The following UBE2L3 variants were observed in gnomAD, a reference collection of about 807,000 sequenced individuals.
The protein encoded by UBE2L3 is ubiquitin-conjugating enzyme E2 L3.
In UBE2L3, 1 loss-of-function variant was observed where a neutral mutation model predicts 17.8. The observed-to-expected ratio is 0.06, with a 90% confidence interval of 0.02 to 0.27. The LOEUF (loss-of-function observed/expected upper bound fraction) is 0.27. Among genes scored for constraint, UBE2L3 ranks in the 10% least tolerant of loss-of-function variants. The probability of loss-of-function intolerance (pLI) is 1.00; values close to 1 mark genes in which losing one functional copy is unlikely to be tolerated. For missense variants in UBE2L3, 40 were observed against 192.6 expected (o/e 0.21, Z 4.69); for synonymous variants, 44 against 68.5 (o/e 0.64, Z 1.76).
In UBE2L3 at chr22:21,599,401, A is replaced by G. The variant is rs548616487; in HGVS notation, c.123+6445A>G. ...CACACTGGAGTTGTTTTGGGGAGAA[A>G]GAGTATCCCCCTACATTGATGGGGC... On this transcript the variant is annotated intron_variant, in intron 2 of 3. Transcript: ENST00000342192. 3.9e-5 allele frequency among the ~76,000 whole-genome samples: 6 copies of G among 152,186 alleles called. No individual in the cohort carries two copies. In the South Asian group the frequency reaches 8.3e-4, roughly 21 times the overall value.
chr22:21,592,475 G>A (rs1180593025), intron 1 of UBE2L3, among the ~76,000 whole-genome samples: 1 of 152,206 alleles, frequency 6.6e-6, no homozygotes, highest in Non-Finnish European at 1.5e-5. Flanking sequence ...TGATTGGAAG[G>A]TATCAGGTGT....
At chr22:21,578,866 T>A (rs1197573262) in intron 1 of UBE2L3, among the ~76,000 whole-genome samples, 1 of 152,136 alleles carries the variant, frequency 6.6e-6, no homozygotes, top group Non-Finnish European at 1.5e-5. Flanking sequence ...GATTTCTGCC[T>A]TTGACTCCTT....
At chr22:21,570,217 C>A in intron 1 of UBE2L3, among the ~76,000 whole-genome samples, 2 of 152,248 alleles carry the variant, frequency 1.3e-5, no homozygotes, top group Middle Eastern at 6.8e-3. Context: ...ATCCTGGTAG[C>A]CCCCTAGCCT....
Position 21,576,602 on chromosome 22 carries a change from A to G in UBE2L3, c.27+8831A>G, listed in dbSNP as rs570070986. 1.2e-3 allele frequency among the ~76,000 whole-genome samples: 175 copies of G among 145,270 alleles called. 1 individual carries two copies. The highest frequency in any genetic ancestry group is 3.4e-3 in the African/African-American group (135 of 39,410). ...CGTGAGCCACCATGCCCGGCCCCCA[A>G]TTTTTGTATTTTTAGTAGAGCTGGG... On this transcript the variant is annotated intron_variant, in intron 1 of 3. Transcript: ENST00000342192.
At chr22:21,556,443 T>A (rs1469100289) in intron 1 of UBE2L3, among the ~76,000 whole-genome samples, 1 of 152,236 alleles carries the variant, frequency 6.6e-6, no homozygotes, top group Non-Finnish European at 1.5e-5. Flanking sequence ...ATCATTTATT[T>A]TTTGGAGACA....
intron 1 of UBE2L3, among the ~76,000 whole-genome samples, chr22:21,591,625 C>T (rs1423571831): frequency 6.6e-6 from 1 of 152,200 alleles, no homozygotes; most frequent in African/African-American, 2.4e-5. Flanking sequence ...GCCTTTTAAA[C>T]TACCACTGTG....
intron 1 of UBE2L3, among the ~76,000 whole-genome samples, chr22:21,586,003 A>G (rs533455270): frequency 1.0e-3 from 157 of 151,954 alleles, no homozygotes; most frequent in Non-Finnish European, 1.8e-3. Flanking sequence ...TGGCACCATC[A>G]TGGCTCACTG....
At chr22:21,560,614 C>G (rs131650) in intron 1 of UBE2L3, among the ~76,000 whole-genome samples, 29,716 of 137,738 alleles carry the variant, frequency 0.22, 454 homozygotes, top group East Asian at 0.37. Context: ...CCACGCCTGG[C>G]TAGTTTTTGT....
intron 3 of UBE2L3, among the ~76,000 whole-genome samples, chr22:21,612,665 T>C (rs1183725426): frequency 1.6e-5 from 2 of 121,800 alleles, no homozygotes; most frequent in African/African-American, 6.8e-5. Flanking sequence ...TTTTTTTTTT[T>C]TTTTTTGAGA....
chr22:21,594,048 G>A (rs947790572), intron 2 of UBE2L3, among the ~76,000 whole-genome samples: 10 of 152,140 alleles, frequency 6.6e-5, no homozygotes, highest in African/African-American at 2.4e-4. Context: ...CTTGGTCATT[G>A]TGTAGCCTTC....
At chr22:21,592,227 C>T (rs936821355) in intron 1 of UBE2L3, among the ~76,000 whole-genome samples, 1 of 152,126 alleles carries the variant, frequency 6.6e-6, no homozygotes, top group Admixed American at 6.6e-5. Flanking sequence ...TGTTTTGCAG[C>T]TGAGGAAACA....
chr22:21,568,757 G>A (rs1017997924), intron 1 of UBE2L3, among the ~76,000 whole-genome samples: 9 of 152,124 alleles, frequency 5.9e-5, no homozygotes, highest in Non-Finnish European at 1.2e-4. Context: ...AGGCCCAGGA[G>A]CCAGTTTCCT....
At chr22:21,560,529 T>A (rs1432823957) in intron 1 of UBE2L3, among the ~76,000 whole-genome samples, 8 of 144,680 alleles carry the variant, frequency 5.5e-5, no homozygotes, top group African/African-American at 2.1e-4. Flanking sequence ...TGGCTCACTG[T>A]AACTTCTGTC....
intron 1 of UBE2L3, among the ~76,000 whole-genome samples, chr22:21,585,490 A>G (rs1351226334): frequency 1.3e-5 from 2 of 152,214 alleles, no homozygotes; most frequent in African/African-American, 2.4e-5. Flanking sequence ...ACTTCCCACC[A>G]GGGTGACTTC....
intron 2 of UBE2L3, among the ~76,000 whole-genome samples, chr22:21,600,428 G>A (rs1928793435): frequency 1.3e-5 from 2 of 152,202 alleles, no homozygotes; most frequent in African/African-American, 4.8e-5. Flanking sequence ...GGGTGCAGTG[G>A]CTCATGCCTG....
chr22:21,576,260 G>A (rs1397827099), intron 1 of UBE2L3, among the ~76,000 whole-genome samples: 1 of 151,454 alleles, frequency 6.6e-6, no homozygotes, highest in African/African-American at 2.4e-5. Flanking sequence ...GATTACAGGC[G>A]CACGCCACCA....
chr22:21,572,024 G>C (rs1427319828), intron 1 of UBE2L3, among the ~76,000 whole-genome samples: 1 of 152,182 alleles, frequency 6.6e-6, no homozygotes, highest in Non-Finnish European at 1.5e-5. Context: ...ATTCCAGTAA[G>C]TTGGGACTGT....
chr22:21,555,847 A>G (rs367148), intron 1 of UBE2L3, among the ~76,000 whole-genome samples: 150,489 of 152,320 alleles, frequency 0.99, 74,365 homozygotes, highest in Middle Eastern at 1. Flanking sequence ...CAGGAGAATC[A>G]CTTGAACCCA....
At chr22:21,616,747 C>T (rs1386350039) in intron 3 of UBE2L3, among the ~76,000 whole-genome samples, 1 of 150,952 alleles carries the variant, frequency 6.6e-6, no homozygotes, top group Non-Finnish European at 1.5e-5. Context: ...CAAAACACCC[C>T]CCCCCTTTTT....
Sources: allele counts gnomAD v4.1 joint callset (sites outside exome capture counted in the v4.1 genomes callset), GRCh38; gene constraint gnomAD v4.1.1; transcripts MANE v1.5; gene names NCBI Gene and HGNC (gene_info 2026-07-23, HGNC 2026-07-21).